Variants in AUTS2 observed in about 807,000 individuals in gnomAD.
AUTS2 encodes the protein autism susceptibility gene 2 protein.
In AUTS2, 17 loss-of-function variants were observed where a neutral mutation model predicts 112.4. The ratio of observed to expected loss-of-function variants is 0.15; its 90% CI spans 0.10 to 0.23. AUTS2 has a LOEUF of 0.23. Ranked by LOEUF, AUTS2 falls within the 10% of genes least tolerant of loss-of-function variation. The probability of loss-of-function intolerance (pLI) is 1.00; values close to 1 mark genes in which losing one functional copy is unlikely to be tolerated. For missense variants in AUTS2, 1,510 were observed against 1,701.6 expected (o/e 0.89, Z 1.98); for synonymous variants, 751 against 702.7 (o/e 1.07, Z -1.09).
At chr7:69,634,123 T>C (rs1395171817) in intron 1 of AUTS2, among the ~76,000 whole-genome samples, 1 of 148,900 alleles carries the variant, frequency 6.7e-6, no homozygotes, top group Admixed American at 6.7e-5. Flanking sequence ...GACTTGATTA[T>C]TATTTTTTTT....
chr7:69,793,719 T>G (rs1374684450), intron 1 of AUTS2, among the ~76,000 whole-genome samples: 1 of 152,202 alleles, frequency 6.6e-6, no homozygotes, highest in Non-Finnish European at 1.5e-5. Context: ...TTCTGGAATT[T>G]GGACAGAGAC....
intron 1 of AUTS2, among the ~76,000 whole-genome samples, chr7:69,891,051 T>C (rs556440041): frequency 1.3e-5 from 2 of 152,326 alleles, no homozygotes; most frequent in East Asian, 3.9e-4. Context: ...AGTTTTGACA[T>C]GTGTATATAC....
chr7:69,922,399 C>A (rs558804979), intron 2 of AUTS2, among the ~76,000 whole-genome samples: 2 of 152,178 alleles, frequency 1.3e-5, no homozygotes, highest in Admixed American at 1.3e-4. Flanking sequence ...ACAGGTAGCA[C>A]GAGATTGACT....
At chr7:69,798,189 T>C (rs1242172862) in intron 1 of AUTS2, among the ~76,000 whole-genome samples, 1 of 152,216 alleles carries the variant, frequency 6.6e-6, no homozygotes, top group Non-Finnish European at 1.5e-5. Flanking sequence ...ACCTCACTCA[T>C]GGTTCCTCTT....
intron 6 of AUTS2, among the ~76,000 whole-genome samples, chr7:70,747,820 T>C (rs1444015696): frequency 4.1e-5 from 6 of 147,820 alleles, no homozygotes; most frequent in Non-Finnish European, 8.9e-5. Context: ...TTTTATTTTA[T>C]TTTATTTATT....
At chr7:69,817,293 G>A (rs1790805062) in intron 1 of AUTS2, among the ~76,000 whole-genome samples, 2 of 152,198 alleles carry the variant, frequency 1.3e-5, no homozygotes, top group African/African-American at 2.4e-5. Flanking sequence ...CCAAGAACTC[G>A]GCTCTCTAGC....
intron 5 of AUTS2, among the ~76,000 whole-genome samples, chr7:70,564,866 G>A (rs1408288023): frequency 1.3e-5 from 2 of 152,110 alleles, no homozygotes; most frequent in African/African-American, 4.8e-5. Context: ...TTGGGAGGCC[G>A]AGGCGGATGG....
intron 5 of AUTS2, among the ~76,000 whole-genome samples, chr7:70,451,425 A>G (rs1585160713): frequency 6.6e-6 from 1 of 152,098 alleles, no homozygotes; most frequent in African/African-American, 2.4e-5. Context: ...AGCACTTGAT[A>G]TTTGTATAGC....
At chr7:69,709,069 G>A (rs1037714700) in intron 1 of AUTS2, among the ~76,000 whole-genome samples, 14 of 152,200 alleles carry the variant, frequency 9.2e-5, no homozygotes. Flanking sequence ...CTAGGAATAT[G>A]TCACAAAGCC....
chr7:69,917,289 CTTTTTTTTT>C (rs11313164), intron 2 of AUTS2, among the ~76,000 whole-genome samples: 1 of 133,298 alleles, frequency 7.5e-6, no homozygotes, highest in African/African-American at 2.8e-5. Context: ...CTTTTTTTTT[CTTTTTTTTT>C]TTTTTTGGTG....
At chr7:69,681,114 C>T (rs756129736) in intron 1 of AUTS2, among the ~76,000 whole-genome samples, 17 of 152,174 alleles carry the variant, frequency 1.1e-4, no homozygotes, top group Non-Finnish European at 2.1e-4. Flanking sequence ...AATACTGTTC[C>T]ATTGAATGTA....
intron 2 of AUTS2, among the ~76,000 whole-genome samples, chr7:69,965,522 T>C (rs2129547400): frequency 6.6e-6 from 1 of 152,238 alleles, no homozygotes; most frequent in African/African-American, 2.4e-5. Context: ...ACGCTATAGA[T>C]GCCCCCAACC....
At chr7:69,720,027 T>G (rs1452959535) in intron 1 of AUTS2, among the ~76,000 whole-genome samples, 1 of 152,146 alleles carries the variant, frequency 6.6e-6, no homozygotes, top group African/African-American at 2.4e-5. Context: ...ACATGCAAAT[T>G]GATGATGAGA....
chr7:69,730,389 A>C (rs551461722), intron 1 of AUTS2, among the ~76,000 whole-genome samples: 4 of 152,110 alleles, frequency 2.6e-5, no homozygotes, highest in Middle Eastern at 3.4e-3. Context: ...TTCTGTCCCC[A>C]CCTGCCCCCC....
At chr7:70,595,253 T>C (rs1265300209) in intron 5 of AUTS2, among the ~76,000 whole-genome samples, 1 of 152,160 alleles carries the variant, frequency 6.6e-6, no homozygotes, top group Non-Finnish European at 1.5e-5. Context: ...TCCTCTTCCA[T>C]GCACCTCCTT....
intron 5 of AUTS2, among the ~76,000 whole-genome samples, chr7:70,544,529 C>T (rs891130720): frequency 6.6e-6 from 1 of 152,168 alleles, no homozygotes; most frequent in Non-Finnish European, 1.5e-5. Flanking sequence ...CACTTTGCCC[C>T]ACCAACCTTA....
chr7:69,829,223 C>T (rs1472937134), intron 1 of AUTS2, among the ~76,000 whole-genome samples: 3 of 152,142 alleles, frequency 2.0e-5, no homozygotes, highest in Non-Finnish European at 4.4e-5. Context: ...TTTCCTTACA[C>T]TTTATATAAA....
At chr7:69,765,473 A>T (rs1436214083) in intron 1 of AUTS2, among the ~76,000 whole-genome samples, 1 of 152,112 alleles carries the variant, frequency 6.6e-6, no homozygotes, top group African/African-American at 2.4e-5. Context: ...TTTTAAAAAA[A>T]TTAATTACCC....
intron 2 of AUTS2, among the ~76,000 whole-genome samples, chr7:69,929,444 T>A (rs546912464): frequency 2.0e-5 from 3 of 152,162 alleles, no homozygotes; most frequent in East Asian, 1.9e-4. Context: ...TCTTTAAGGT[T>A]TTTTCCCCTT....
Sources: allele counts gnomAD v4.1 joint callset (sites outside exome capture counted in the v4.1 genomes callset), GRCh38; gene constraint gnomAD v4.1.1; transcripts MANE v1.5; gene names NCBI Gene and HGNC (gene_info 2026-07-23, HGNC 2026-07-21).